Variants in DCDC1 observed in about 807,000 individuals in gnomAD.
DCDC1 encodes the protein doublecortin domain containing 1, also known as doublecortin domain-containing protein 1.
Under a neutral mutation model 178.3 loss-of-function variants are expected in DCDC1, and 200 were observed. The ratio of observed to expected loss-of-function variants is 1.12; its 90% confidence interval spans 1.00 to 1.26. The LOEUF is 1.26. Among genes scored for constraint, DCDC1 ranks in the 50% most tolerant of loss-of-function variants. The probability of loss-of-function intolerance (pLI) is 0.00; values close to 1 mark genes in which losing one functional copy is unlikely to be tolerated. For missense variants in DCDC1, 1,983 were observed against 1,749.2 expected (o/e 1.13, Z -2.38); for synonymous variants, 690 against 604.8 (o/e 1.14, Z -2.07).
chr11:30,931,406 A>T (rs1263080075), intron 22 of DCDC1, among the ~76,000 whole-genome samples: 3 of 152,156 alleles, frequency 2.0e-5, no homozygotes, highest in African/African-American at 7.2e-5. Flanking sequence ...TTTAACTTAT[A>T]TAAGGAGTTA....
chr11:31,032,359 A>C (rs1181849963), intron 20 of DCDC1, among the ~76,000 whole-genome samples: 2 of 152,192 alleles, frequency 1.3e-5, no homozygotes. Flanking sequence ...TCACCAGCTC[A>C]TGTCTTGTAG....
intron 21 of DCDC1, among the ~76,000 whole-genome samples, chr11:30,936,504 C>T (rs1311778313): frequency 6.6e-6 from 1 of 152,108 alleles, no homozygotes; most frequent in Non-Finnish European, 1.5e-5. Context: ...CTTGAGGTAC[C>T]TTCCTTCCTA....
intron 37 of DCDC1, among the ~76,000 whole-genome samples, chr11:30,880,132 A>G (rs1349988339): frequency 6.6e-6 from 1 of 152,180 alleles, no homozygotes; most frequent in Non-Finnish European, 1.5e-5. Flanking sequence ...CTTACTGATA[A>G]TAAGAACCTC....
At chr11:30,893,975 C>T (rs183559342) in intron 35 of DCDC1, among the ~76,000 whole-genome samples, 1 of 152,268 alleles carries the variant, frequency 6.6e-6, no homozygotes, top group African/African-American at 2.4e-5. Flanking sequence ...ATTACAATTA[C>T]CTTTGTACAT....
intron 38 of DCDC1, among the ~76,000 whole-genome samples, chr11:30,876,808 A>T (rs1433579775): frequency 1.3e-5 from 2 of 152,100 alleles, no homozygotes; most frequent in Non-Finnish European, 1.5e-5. Flanking sequence ...AAAACAAAAA[A>T]TTGTCTATAG....
chr11:31,177,172 G>A (rs1968155826), intron 9 of DCDC1, among the ~76,000 whole-genome samples: 1 of 151,968 alleles, frequency 6.6e-6, no homozygotes, highest in Non-Finnish European at 1.5e-5. Flanking sequence ...GGAGGAGGGG[G>A]GAGTCTAGAA....
At chr11:31,212,173 T>C (rs1262772954) in intron 9 of DCDC1, among the ~76,000 whole-genome samples, 1 of 151,562 alleles carries the variant, frequency 6.6e-6, no homozygotes, top group Non-Finnish European at 1.5e-5. Context: ...ATAGTAGTAA[T>C]ATAAATTTTT....
At chr11:30,924,686 A>C (rs1946486316) in intron 23 of DCDC1, among the ~76,000 whole-genome samples, 1 of 152,206 alleles carries the variant, frequency 6.6e-6, no homozygotes, top group Non-Finnish European at 1.5e-5. Flanking sequence ...TACCTCCTTC[A>C]GAGCAGGAGA....
chr11:31,113,662 A>G (rs879365195), intron 11 of DCDC1, among the ~76,000 whole-genome samples: 1 of 151,940 alleles, frequency 6.6e-6, no homozygotes, highest in Non-Finnish European at 1.5e-5. Context: ...GTGTATATGT[A>G]CCACATTTTC....
In DCDC1 at chr11:30,925,415, T is replaced by C; in HGVS notation, c.2898-7A>G. 1.2e-6 allele frequency: 2 copies of C among 1,612,470 alleles called. No homozygotes were observed. The highest frequency in any genetic ancestry group is 1.7e-6 in the Non-Finnish European group (2 of 1,179,204). On this transcript the variant is annotated splice_polypyrimidine_tract_variant and splice_region_variant and intron_variant, in intron 22 of 38. Transcript: ENST00000684477. ...ATTTAAAATCTCAGTGCACCTGTAA[T>C]AAAAGACACAAAAATTGACCTTGCA...
intron 20 of DCDC1, among the ~76,000 whole-genome samples, chr11:30,958,582 G>A (rs1282145676): frequency 6.6e-6 from 1 of 152,098 alleles, no homozygotes; most frequent in Non-Finnish European, 1.5e-5. Context: ...AGGTTGGGGT[G>A]TTATCCTAAG....
chr11:31,219,984 C>A (rs755341566), intron 9 of DCDC1, among the ~76,000 whole-genome samples: 8 of 152,050 alleles, frequency 5.3e-5, no homozygotes, highest in Non-Finnish European at 1.2e-4. Context: ...AGCCCCCACA[C>A]CTGAAACAGT....
chr11:30,893,459 C>A (rs1943956176), intron 35 of DCDC1, among the ~76,000 whole-genome samples: 1 of 152,098 alleles, frequency 6.6e-6, no homozygotes, highest in Admixed American at 6.6e-5. Flanking sequence ...CAGCATCCAC[C>A]CTTATACTTT....
chr11:30,865,289 G>T lies in DCDC1; in HGVS notation c.*84C>A, dbSNP rs1940878489. The stretch of plus-strand genomic sequence containing the variant: ...AGCGATGGAAATAATTGGCCTTCTT[G>T]TCACAGTCTTCTGTTTATAAGTGGG... On this transcript the variant is annotated 3_prime_UTR_variant, in exon 39 of 39. Transcript: ENST00000684477. 6.6e-6 allele frequency: 1 copy of T among 152,154 alleles called. No individual in the cohort carries two copies. Among genetic ancestry groups the T allele is most frequent in the Non-Finnish European group, 1.5e-5 (1 of 68,030 alleles). The allele number at this position is 152,154 out of a possible 1,614,324, so 9.4% of individuals were successfully genotyped here.
intron 22 of DCDC1, among the ~76,000 whole-genome samples, chr11:30,926,630 T>G (rs1946609277): frequency 6.6e-6 from 1 of 152,220 alleles, no homozygotes; most frequent in Non-Finnish European, 1.5e-5. Flanking sequence ...GCTAAATATA[T>G]TTTGTGTTAG....
At chr11:31,362,030 T>C (rs1460904346) in intron 1 of DCDC1, among the ~76,000 whole-genome samples, 1 of 152,200 alleles carries the variant, frequency 6.6e-6, no homozygotes, top group East Asian at 1.9e-4. Flanking sequence ...CTACCTCTTC[T>C]TTTGCAGGAT....
At chr11:31,150,117 G>C (rs192395239) in intron 9 of DCDC1, among the ~76,000 whole-genome samples, 2 of 152,014 alleles carry the variant, frequency 1.3e-5, no homozygotes, top group Non-Finnish European at 2.9e-5. Flanking sequence ...TTTAATTATG[G>C]CCATTCTTCC....
At chr11:31,211,539 C>T (rs1002785406) in intron 9 of DCDC1, among the ~76,000 whole-genome samples, 1 of 152,104 alleles carries the variant, frequency 6.6e-6, no homozygotes, top group African/African-American at 2.4e-5. Flanking sequence ...CTTCCTGAAT[C>T]GAGATTACAT....
intron 9 of DCDC1, among the ~76,000 whole-genome samples, chr11:31,171,500 C>T (rs1485717738): frequency 1.3e-5 from 2 of 152,182 alleles, no homozygotes; most frequent in African/African-American, 2.4e-5. Context: ...TGACTGGATA[C>T]ACCATATCTC....
Sources: gnomAD v4.1 joint callset for allele counts (sites outside exome capture counted in the v4.1 genomes callset) on GRCh38, gnomAD v4.1.1 for gene constraint, MANE v1.5 for transcripts, NCBI Gene and HGNC (gene_info 2026-07-23, HGNC 2026-07-21) for gene names.